ETV4: variants seen among roughly 807,000 people sequenced by gnomAD.
ETV4 encodes the protein ETS variant transcription factor 4, also known as ETS translocation variant 4.
ETV4 carries 42 observed loss-of-function variants against 65.9 expected under a neutral mutation model. The observed-to-expected ratio is 0.64, with a 90% CI of 0.50 to 0.82. The LOEUF (loss-of-function observed/expected upper bound fraction) is 0.82. Among genes scored for constraint, ETV4 ranks in the 40% least tolerant of loss-of-function variants. ETV4 has a pLI of 0.00. For synonymous variants in ETV4, 238 were observed against 260.0 expected, an observed-to-expected ratio of 0.92 and a Z score of 0.81; for missense variants, 583 against 630.3, an observed-to-expected ratio of 0.92 and a Z score of 0.80.
Position 43,533,341 on chromosome 17 carries a change from C to T in ETV4, c.391G>A (p.Asp131Asn), listed in dbSNP as rs760204430. The change falls in exon 7 of 13, where the codon GAC becomes AAC. Residue 131 changes from aspartate (D) to asparagine (N), a missense_variant. Transcript: ENST00000319349. ...TTGATGGCGATTTGTCTGGGGGGGT[C>T]ATAGGCACTGGAGTTGAGAAGGAGA... ...GEQCLYSSAY[D>N]PPRQIAIKSP... 3 of 1,612,938 alleles carry T rather than the reference C, an allele frequency of 1.9e-6. No individual in the cohort carries two copies. The South Asian group carries it at 3.3e-5, about 18-fold the overall frequency.
chr17:43,541,852 A>C (rs1408890155), intron 4 of ETV4, among the ~76,000 whole-genome samples: 2 of 152,174 alleles, frequency 1.3e-5, no homozygotes, highest in Non-Finnish European at 2.9e-5. Context: ...GAAGAGACAG[A>C]AAGATGGAGA....
In ETV4 at chr17:43,533,920, G is replaced by C; in HGVS notation, c.322C>G (p.Leu108Val). Residue 108 changes from leucine (L) to valine (V), a missense_variant, in exon 6 of 13, where the codon CTG (leucine) becomes GTG (valine). Leu to Val is a conservative substitution (Grantham distance 32). Coordinates refer to ENST00000319349, the MANE Select transcript of ETV4 (RefSeq NM_001079675.5). ...AGTGGCGGCTTCCTGCTGCAGGACAGGGCCGGGTCTGTGCGGGGACTCTGG... is the reference window on the plus strand; with the variant it reads ...AGTGGCGGCTTCCTGCTGCAGGACACGGCCGGGTCTGTGCGGGGACTCTGG... ...EPQSPRTDPALSCSRKPPLPY... is the reference protein window; with the variant it reads ...EPQSPRTDPAVSCSRKPPLPY... The C allele has an allele frequency of 6.3e-7, 1 of 1,586,912 alleles. No individual in the cohort carries two copies. Among genetic ancestry groups the C allele is most frequent in the East Asian group, 2.3e-5 (1 of 43,510 alleles).
At position 43,528,487 on chromosome 17, in the gene ETV4, C is replaced by G; in HGVS notation, c.*32G>C. The G allele has an allele frequency of 6.8e-7, 1 of 1,468,124 alleles. No individual in the cohort carries two copies. The highest frequency in any genetic ancestry group is 9.4e-7 in the Non-Finnish European group (1 of 1,065,024). The allele number at this position is 1,468,124 out of a possible 1,614,324, so 90.9% of individuals were successfully genotyped here. A position where few individuals can be genotyped will look rare whatever the true frequency, so the allele number is the denominator to read the frequency against. On this transcript the variant is annotated 3_prime_UTR_variant, in exon 13 of 13. Coordinates refer to ENST00000319349, the MANE Select transcript of ETV4 (RefSeq NM_001079675.5). ...CATTTATATGTACACAGGGCAGCAC[C>G]CACCTGCGGCAGGGGGAACAGCCGC...
chr17:43,543,337 G>C (rs1290937277), intron 4 of ETV4, among the ~76,000 whole-genome samples: 1 of 147,930 alleles, frequency 6.8e-6, no homozygotes, highest in Non-Finnish European at 1.5e-5. Context: ...GACACAGACA[G>C]ACATTTGTAC....
chr17:43,529,845 T>G, intron 10 of ETV4, 39 bp downstream of exon 10: 1 of 1,611,044 alleles, frequency 6.2e-7, no homozygotes, highest in African/African-American at 1.3e-5. Flanking sequence ...CACAGCGTGA[T>G]AAGACCTTGA....
In ETV4 at chr17:43,532,814, C is replaced by A; in HGVS notation, c.671G>T (p.Ser224Ile). 6.2e-7 allele frequency: 1 copy of A among 1,614,008 alleles called. No individual in the cohort carries two copies. The highest frequency in any genetic ancestry group is 8.5e-7 in the Non-Finnish European group (1 of 1,180,000). Residue 224 changes from serine to isoleucine, a missense_variant, in exon 8 of 13, where the codon AGC (serine) becomes ATC (isoleucine). Coordinates refer to ENST00000319349, the MANE Select transcript of ETV4 (RefSeq NM_001079675.5). ...SEPCPPYPQQ[S>I]FKQEYHDPLY... Reference sequence around the variant, plus strand: ...GGGATCATGGTATTCTTGCTTAAAGCTCTGCTGGGGATAGGGTGGGCAGGG... The same window carrying A: ...GGGATCATGGTATTCTTGCTTAAAGATCTGCTGGGGATAGGGTGGGCAGGG...
At chr17:43,545,087 C>G (rs2154587332) in intron 3 of ETV4, 65 bp from the exon 4 acceptor site, 1 of 1,528,774 alleles carries the variant, frequency 6.5e-7, no homozygotes, top group Non-Finnish European at 9.1e-7. Context: ...GGGGCCCTAG[C>G]AAGACCCGGT....
In ETV4 at chr17:43,530,184, G is replaced by A. The variant is rs1417222824; in HGVS notation, c.812-3C>T. ...CATTGATGCGCACCCGGTGACATCT[G>A]TGGGGGAAGAAGGGGTGATGTGAGA... On this transcript the variant is annotated splice_region_variant and splice_polypyrimidine_tract_variant and intron_variant, in intron 8 of 12. Coordinates refer to ENST00000319349, the MANE Select transcript of ETV4 (RefSeq NM_001079675.5). 1.3e-6 allele frequency: 2 copies of A among 1,554,264 alleles called. No individual in the cohort carries two copies. The highest frequency in any genetic ancestry group is 1.7e-4 in the Middle Eastern group (1 of 6,000).
chr17:43,533,140 G>GA, intron 7 of ETV4, 47 bp downstream of exon 7: 1 of 1,600,064 alleles, frequency 6.2e-7, no homozygotes, highest in Non-Finnish European at 8.5e-7. Context: ...CTCAGGAATT[G>GA]AAAAAACACC....
rs1971247469 is a variant in ETV4, at chr17:43,536,461, T to C, written c.221A>G (p.Asp74Gly). Residue 74 changes from aspartate (D) to glycine (G), a missense_variant, in exon 5 of 13, where the codon GAT becomes GGT. By Grantham distance (94) the Asp-to-Gly change is moderately conservative. Coordinates refer to ENST00000319349, the MANE Select transcript of ETV4 (RefSeq NM_001079675.5). ...ATGGAAATCAGGAACAAACTGCTCA[T>C]CACTGTCTGGTACCTGAGCTGCAGA... ...WLAEAQVPDS[D>G]EQFVPDFHSE... 6.2e-7 allele frequency: 1 copy of C among 1,614,094 alleles called. No homozygotes were observed. The highest frequency in any genetic ancestry group is 1.3e-5 in the African/African-American group (1 of 74,940).
chr17:43,532,243 TAATCA>T (rs1489000163), intron 8 of ETV4, among the ~76,000 whole-genome samples: 1 of 152,208 alleles, frequency 6.6e-6, no homozygotes, highest in African/African-American at 2.4e-5. Flanking sequence ...CTCATGTCTA[TAATCA>T]CAGCACTTTG....
At chr17:43,534,111 T>C (rs1971108580) in intron 5 of ETV4, 126 bp from the exon 6 acceptor site, 2 of 1,087,240 alleles carry the variant, frequency 1.8e-6, no homozygotes, top group Non-Finnish European at 1.2e-6. Context: ...CCTCTCTGGG[T>C]ATCAATTTTC....
intron 5 of ETV4, among the ~76,000 whole-genome samples, chr17:43,534,345 T>G (rs779070792): frequency 4.0e-5 from 6 of 151,122 alleles, no homozygotes; most frequent in Non-Finnish European, 8.9e-5. Context: ...CAAAAAAAAA[T>G]TAGCCGGGGA....
At chr17:43,531,200 A>C (rs1215525944) in intron 8 of ETV4, among the ~76,000 whole-genome samples, 1 of 152,166 alleles carries the variant, frequency 6.6e-6, no homozygotes, top group Non-Finnish European at 1.5e-5. Flanking sequence ...GAAATTCTAA[A>C]GTTCTAGCTA....
At chr17:43,529,093 C>G (rs1261630783) in intron 12 of ETV4, 42 bp downstream of exon 12, 1 of 1,588,510 alleles carries the variant, frequency 6.3e-7, no homozygotes, top group South Asian at 1.1e-5. Flanking sequence ...TTCTCACAGC[C>G]ACTGCCCCCC....
Position 43,545,343 on chromosome 17 carries a change from G to C in ETV4, c.85C>G (p.Arg29Gly). The C allele has an allele frequency of 6.2e-7, 1 of 1,604,224 alleles. No individual in the cohort carries two copies. Residue 29 changes from arginine (R) to glycine (G), a missense_variant, in exon 3 of 13, where the codon CGC becomes GGC. By Grantham distance (125) the Arg-to-Gly change is moderately radical (BLOSUM62 -2). Transcript: ENST00000319349. ...SSKSPGNGSLREALIGPLGKL... is the reference protein window; with the variant it reads ...SSKSPGNGSLGEALIGPLGKL... The stretch of plus-strand genomic sequence containing the variant: ...CCCAGCGGGCCGATCAGCGCTTCGC[G>C]CAAGCTCCCATTTCCGGGCGATTTC...
At chr17:43,536,522 T>A in intron 4 of ETV4, 43 bp from the exon 5 acceptor site, 1 of 1,593,138 alleles carries the variant, frequency 6.3e-7, no homozygotes, top group Middle Eastern at 1.7e-4. Context: ...GGAGCCCTGG[T>A]TGTCCCCTGG....
chr17:43,542,785 C>T (rs547262781), intron 4 of ETV4, among the ~76,000 whole-genome samples: 58 of 152,284 alleles, frequency 3.8e-4, no homozygotes, highest in Middle Eastern at 6.8e-3. Flanking sequence ...ACAGACCCAC[C>T]CACACTACCA....
intron 8 of ETV4, chr17:43,530,397 G>A (rs1290017207): frequency 1.4e-6 from 2 of 1,430,508 alleles, no homozygotes; most frequent in East Asian, 5.1e-5. Context: ...GAGGGCTGCG[G>A]CTGAGGCCAT....
Sources: allele counts gnomAD v4.1 joint callset (sites outside exome capture counted in the v4.1 genomes callset), GRCh38; gene constraint gnomAD v4.1.1; transcripts MANE v1.5; gene names NCBI Gene and HGNC (gene_info 2026-07-23, HGNC 2026-07-21).